The following AVL9 variants were observed in gnomAD, a reference collection of about 807,000 sequenced individuals.
AVL9 encodes the protein AVL9 cell migration associated.
In AVL9, 49 loss-of-function variants were observed where a neutral mutation model predicts 79.2. The ratio of observed to expected loss-of-function variants is 0.62; its 90% CI spans 0.49 to 0.79. The LOEUF (loss-of-function observed/expected upper bound fraction) is 0.79, where lower values mean the gene tolerates loss of function less well. Among genes scored for constraint, AVL9 ranks in the 30% least tolerant of loss-of-function variants. AVL9 has a pLI of 0.00. For synonymous variants in AVL9, 299 were observed against 280.6 expected, an observed-to-expected ratio of 1.07 and a Z score of -0.65; for missense variants, 682 against 776.8, an observed-to-expected ratio of 0.88 and a Z score of 1.45.
In AVL9 at chr7:32,543,264, A is replaced by G. The variant is rs1789301835; in HGVS notation, c.214+3A>G. On this transcript the variant is annotated splice_donor_region_variant and intron_variant, in intron 2 of 15. Transcript: ENST00000318709. ...TGGCGCACACAACTACCAGGAAGGT[A>G]TGTAACAAGACAGTGAAGCAGTTAG... is the stretch of plus-strand genomic sequence containing the variant. The G allele has an allele frequency of 6.2e-7, 1 of 1,613,718 alleles. No homozygotes were observed. The highest frequency in any genetic ancestry group is 1.3e-5 in the African/African-American group (1 of 75,042).
intron 1 of AVL9, among the ~76,000 whole-genome samples, chr7:32,503,351 G>GAT (rs1562749449): frequency 3.5e-5 from 1 of 28,794 alleles, no homozygotes; most frequent in African/African-American, 8.4e-5. Context: ...TATAGATATA[G>GAT]ATATAGAGAG....
intron 1 of AVL9, among the ~76,000 whole-genome samples, chr7:32,503,369 TATATACACAC>T (rs1787251839): frequency 7.9e-5 from 8 of 101,334 alleles, no homozygotes; most frequent in South Asian, 3.9e-4. Context: ...GAGATATATA[TATATACACAC>T]ACACACACAC....
chr7:32,530,213 C>T (rs1255327629), intron 1 of AVL9, among the ~76,000 whole-genome samples: 1 of 152,034 alleles, frequency 6.6e-6, no homozygotes, highest in Non-Finnish European at 1.5e-5. Context: ...ATATAAGAGT[C>T]CCAGATTTCT....
chr7:32,548,151 C>CTTTTGTTTTCTTTTTGGTTTT (rs71559236), intron 3 of AVL9, among the ~76,000 whole-genome samples: 6 of 131,596 alleles, frequency 4.6e-5, no homozygotes, highest in Admixed American at 3.7e-4. Flanking sequence ...TCTCTTTTTT[C>CTTTTGTTTTCTTTTTGGTTTT]TTTTTTTTTT....
At chr7:32,558,407 C>G in intron 8 of AVL9, 152 bp from the exon 9 acceptor site, 1 of 527,178 alleles carries the variant, frequency 1.9e-6, no homozygotes, top group Non-Finnish European at 3.3e-6. Context: ...CCACCCACCC[C>G]GGCCTCCCAA....
intron 1 of AVL9, among the ~76,000 whole-genome samples, chr7:32,497,197 A>G (rs1012533418): frequency 6.6e-6 from 1 of 152,304 alleles, no homozygotes; most frequent in East Asian, 1.9e-4. Context: ...CTCTACTAAA[A>G]ATACAAAATT....
chr7:32,581,364 AAG>A (rs1231429704), intron 15 of AVL9: 2 of 153,294 alleles, frequency 1.3e-5, no homozygotes, highest in Non-Finnish European at 2.9e-5. Context: ...TTAGGGATGA[AAG>A]AGGGACATTA....
At chr7:32,526,884 C>T (rs1243537571) in intron 1 of AVL9, among the ~76,000 whole-genome samples, 1 of 152,116 alleles carries the variant, frequency 6.6e-6, no homozygotes, top group Non-Finnish European at 1.5e-5. Context: ...GGTTACCACA[C>T]AGGAAAAAGA....
chr7:32,562,324 G>GT (rs1325611597), intron 10 of AVL9, among the ~76,000 whole-genome samples: 1 of 152,108 alleles, frequency 6.6e-6, no homozygotes, highest in Non-Finnish European at 1.5e-5. Context: ...TATAAGTGAG[G>GT]TAAGTTATAA....
Position 32,559,583 on chromosome 7 carries a change from G to T in AVL9, c.1215+119G>T, listed in dbSNP as rs1487218958. 4.4e-6 allele frequency: 4 copies of T among 914,854 alleles called. No homozygotes were observed. In the African/African-American group the frequency reaches 1.3e-4, roughly 30 times the overall value. 56.7% of individuals were successfully genotyped at this position (914,854 alleles called of 1,614,324 possible). ...AGGTGGAAAAATTTCCTTGAAAACT[G>T]TAAAGTACAACCAAATACATAGTAC... is the stretch of plus-strand genomic sequence containing the variant. On this transcript the variant is annotated intron_variant, in intron 10 of 15. Transcript: ENST00000318709.
intron 10 of AVL9, among the ~76,000 whole-genome samples, chr7:32,567,953 C>G (rs1374449861): frequency 6.6e-6 from 1 of 151,924 alleles, no homozygotes; most frequent in Non-Finnish European, 1.5e-5. Context: ...CTCCTGAACT[C>G]AGATGATCTG....
intron 8 of AVL9, among the ~76,000 whole-genome samples, chr7:32,555,468 C>T (rs1790012803): frequency 6.6e-6 from 1 of 152,230 alleles, no homozygotes; most frequent in African/African-American, 2.4e-5. Context: ...GGTTCCTGAC[C>T]ACTCCCTAAT....
At chr7:32,503,334 CTATATA>C (rs1353321085) in intron 1 of AVL9, among the ~76,000 whole-genome samples, 2 of 89,784 alleles carry the variant, frequency 2.2e-5, no homozygotes, top group Admixed American at 1.4e-4. Flanking sequence ...ATATATATAT[CTATATA>C]TATAGATATA....
At chr7:32,506,548 A>C (rs1403250225) in intron 1 of AVL9, among the ~76,000 whole-genome samples, 1 of 152,172 alleles carries the variant, frequency 6.6e-6, no homozygotes, top group African/African-American at 2.4e-5. Flanking sequence ...AGACTTATGA[A>C]TTGTTTATTA....
intron 1 of AVL9, among the ~76,000 whole-genome samples, chr7:32,540,214 T>C (rs1789113855): frequency 6.6e-6 from 1 of 152,274 alleles, no homozygotes; most frequent in Admixed American, 6.5e-5. Flanking sequence ...TTCCCTTTTA[T>C]GCTGAAATAA....
At chr7:32,515,976 A>C (rs930025531) in intron 1 of AVL9, among the ~76,000 whole-genome samples, 3 of 152,122 alleles carry the variant, frequency 2.0e-5, no homozygotes, top group African/African-American at 7.2e-5. Flanking sequence ...CTCCTTCCCC[A>C]CTTTGCCATA....
At chr7:32,532,021 G>A (rs1788681313) in intron 1 of AVL9, 1 of 152,226 alleles carries the variant, frequency 6.6e-6, no homozygotes, top group Non-Finnish European at 1.5e-5. Flanking sequence ...CTCTTGTCCA[G>A]CGTCCAGGAA....
Position 32,564,201 on chromosome 7 carries a change from G to A in AVL9, c.1215+4737G>A, listed in dbSNP as rs576921695. Among the ~76,000 whole-genome samples the A allele has an allele frequency of 3.2e-4, 48 of 152,256 alleles. 1 individual carries two copies. The highest frequency in any genetic ancestry group is 1.0e-3 in the African/African-American group (42 of 41,522). Reference sequence around the variant, plus strand: ...TAGCGGAATATTAGATTTGTGTGCCGTATACAATATCAGTATTAAATACGT... The same window carrying A: ...TAGCGGAATATTAGATTTGTGTGCCATATACAATATCAGTATTAAATACGT... On this transcript the variant is annotated intron_variant, in intron 10 of 15. Coordinates refer to ENST00000318709, the MANE Select transcript of AVL9 (RefSeq NM_015060.3).
At chr7:32,496,432 A>G (rs1023110015) in intron 1 of AVL9, among the ~76,000 whole-genome samples, 1 of 152,216 alleles carries the variant, frequency 6.6e-6, no homozygotes, top group Non-Finnish European at 1.5e-5. Flanking sequence ...TAATCTCTCC[A>G]TATCAACCGC....
Sources: allele counts gnomAD v4.1 joint callset (sites outside exome capture counted in the v4.1 genomes callset), GRCh38; gene constraint gnomAD v4.1.1; transcripts MANE v1.5; gene names NCBI Gene and HGNC (gene_info 2026-07-23, HGNC 2026-07-21).